WDPCP: variants seen among roughly 807,000 people sequenced by gnomAD.
The protein encoded by WDPCP is WD repeat containing planar cell polarity effector.
A neutral mutation model predicts 93.1 loss-of-function variants in WDPCP; 71 were observed. The observed-to-expected ratio is 0.76, with a 90% CI of 0.63 to 0.93. The LOEUF is 0.93. Among genes scored for constraint, WDPCP ranks in the 40% least tolerant of loss-of-function variants. The pLI is 0.00. For missense variants in WDPCP, 844 were observed against 887.4 expected, an observed-to-expected ratio of 0.95 and a Z score of 0.62; for synonymous variants, 315 against 315.0, an observed-to-expected ratio of 1.00 and a Z score of 0.00.
At chr2:63,205,219 G>A (rs750948189) in intron 14 of WDPCP, among the ~76,000 whole-genome samples, 55 of 152,136 alleles carry the variant, frequency 3.6e-4, no homozygotes, top group Non-Finnish European at 5.4e-4. Flanking sequence ...TTTTATGCCA[G>A]TACCATGTTG....
intron 14 of WDPCP, among the ~76,000 whole-genome samples, chr2:63,253,960 G>T (rs919663909): frequency 3.3e-5 from 5 of 152,216 alleles, no homozygotes; most frequent in Admixed American, 3.3e-4. Flanking sequence ...ACTCACAATA[G>T]CAAAGACATG....
Position 63,139,170 on chromosome 2 carries a change from TACACACAC to T in WDPCP, c.2190+13736_2190+13743del, listed in dbSNP as rs143596446. Among the ~76,000 whole-genome samples the T allele has an allele frequency of 5.7e-4, 85 of 149,330 alleles. No individual in the cohort carries two copies. The South Asian group carries it at 7.0e-3, about 12-fold the overall frequency. ...GTATATGTGTATGTATATATGTGTA[TACACACAC>T]ACACACACACACACACACACACCAG... On this transcript the variant is annotated intron_variant, in intron 17 of 17. Coordinates refer to ENST00000272321, the MANE Select transcript of WDPCP (RefSeq NM_015910.7).
At chr2:63,505,173 G>A (rs1042772557) in intron 1 of WDPCP, among the ~76,000 whole-genome samples, 1 of 151,910 alleles carries the variant, frequency 6.6e-6, no homozygotes, top group African/African-American at 2.4e-5. Flanking sequence ...ATTGTAATTG[G>A]ATCTTCCTTC....
At chr2:63,247,976 G>A (rs78949831) in intron 14 of WDPCP, among the ~76,000 whole-genome samples, 12 of 152,070 alleles carry the variant, frequency 7.9e-5, no homozygotes, top group Middle Eastern at 3.4e-3. Context: ...ACATTCTAAA[G>A]TTACAACAAT....
chr2:63,685,519 A>C (rs184705632), intron 2 of WDPCP, among the ~76,000 whole-genome samples: 54 of 152,364 alleles, frequency 3.5e-4, no homozygotes, highest in Non-Finnish European at 6.9e-4. Flanking sequence ...GAATTCTACG[A>C]AACATTTAAA....
intron 12 of WDPCP, among the ~76,000 whole-genome samples, chr2:63,324,495 G>T (rs748480701): frequency 1.2e-4 from 19 of 152,174 alleles, no homozygotes; most frequent in Non-Finnish European, 5.9e-5. Context: ...ATTTAAAGCA[G>T]ATCAAGGCAG....
chr2:63,656,144 C>G (rs1710163247), intron 2 of WDPCP, among the ~76,000 whole-genome samples: 1 of 152,202 alleles, frequency 6.6e-6, no homozygotes, highest in African/African-American at 2.4e-5. Context: ...TTGTTCTCAA[C>G]TGTGAGTTCC....
At chr2:63,581,029 A>T (rs1708461829) in intron 1 of WDPCP, among the ~76,000 whole-genome samples, 1 of 152,190 alleles carries the variant, frequency 6.6e-6, no homozygotes, top group Non-Finnish European at 1.5e-5. Flanking sequence ...CTATTCTTAC[A>T]ATTCTTCAGT....
chr2:63,714,168 G>A (rs147757137), intron 2 of WDPCP, among the ~76,000 whole-genome samples: 2 of 149,988 alleles, frequency 1.3e-5, no homozygotes, highest in African/African-American at 4.9e-5. Flanking sequence ...TGATTCTTCC[G>A]CCTGAGCCTC....
At chr2:63,549,888 T>G (rs890852163) in intron 1 of WDPCP, among the ~76,000 whole-genome samples, 1 of 151,996 alleles carries the variant, frequency 6.6e-6, no homozygotes, top group Non-Finnish European at 1.5e-5. Flanking sequence ...TTGCTCCAAA[T>G]AGTAAGAAAG....
At chr2:63,282,450 A>G (rs1277912039) in intron 13 of WDPCP, among the ~76,000 whole-genome samples, 1 of 152,228 alleles carries the variant, frequency 6.6e-6, no homozygotes, top group Non-Finnish European at 1.5e-5. Context: ...GGTTGCAGTG[A>G]GCCGAGATCG....
chr2:63,414,510 C>G (rs772564028), intron 9 of WDPCP, among the ~76,000 whole-genome samples: 5 of 151,660 alleles, frequency 3.3e-5, no homozygotes, highest in Admixed American at 1.3e-4. Flanking sequence ...TATATACACA[C>G]ACACATATAT....
At chr2:63,318,022 G>A (rs779641322) in intron 12 of WDPCP, among the ~76,000 whole-genome samples, 5 of 152,086 alleles carry the variant, frequency 3.3e-5, no homozygotes, top group Non-Finnish European at 5.9e-5. Flanking sequence ...CTATGCATTT[G>A]GCAAAGGTCT....
intron 14 of WDPCP, among the ~76,000 whole-genome samples, chr2:63,252,253 C>A (rs1041594820): frequency 1.3e-5 from 2 of 152,052 alleles, no homozygotes; most frequent in Non-Finnish European, 2.9e-5. Flanking sequence ...TGATAAAAAA[C>A]CCTCAACAAG....
At chr2:63,539,348 G>C (rs1390365113) in intron 1 of WDPCP, among the ~76,000 whole-genome samples, 1 of 152,118 alleles carries the variant, frequency 6.6e-6, no homozygotes, top group African/African-American at 2.4e-5. Context: ...CATTGCCAAT[G>C]CTTCTGTAAC....
chr2:63,214,502 C>A (rs1386390002), intron 14 of WDPCP, among the ~76,000 whole-genome samples: 1 of 152,090 alleles, frequency 6.6e-6, no homozygotes, highest in Admixed American at 6.6e-5. Context: ...TATGACAAAC[C>A]CGCAGCCAGT....
intron 6 of WDPCP, among the ~76,000 whole-genome samples, chr2:63,473,850 T>C (rs974833720): frequency 2.6e-5 from 4 of 152,164 alleles, no homozygotes; most frequent in South Asian, 2.1e-4. Context: ...GATATTTTTA[T>C]TTGAATATTT....
At chr2:63,286,613 C>G (rs1684022204) in intron 13 of WDPCP, among the ~76,000 whole-genome samples, 1 of 152,200 alleles carries the variant, frequency 6.6e-6, no homozygotes, top group South Asian at 2.1e-4. Flanking sequence ...AATAAACAGC[C>G]CTGTTGCTCA....
intron 12 of WDPCP, among the ~76,000 whole-genome samples, chr2:63,329,401 CT>C (rs558671777): frequency 1.4e-4 from 21 of 151,224 alleles, no homozygotes; most frequent in African/African-American, 4.8e-4. Flanking sequence ...ACATACCGCA[CT>C]TTTTTTTTGC....
Sources: gnomAD v4.1 joint callset for allele counts (sites outside exome capture counted in the v4.1 genomes callset) on GRCh38, gnomAD v4.1.1 for gene constraint, MANE v1.5 for transcripts, NCBI Gene and HGNC (gene_info 2026-07-23, HGNC 2026-07-21) for gene names.